MAGI2: variants seen among roughly 807,000 people sequenced by gnomAD.
MAGI2 encodes the protein membrane-associated guanylate kinase, WW and PDZ domain-containing protein 2.
A neutral mutation model predicts 133.3 loss-of-function variants in MAGI2; 35 were observed. The ratio of observed to expected loss-of-function variants is 0.26; its 90% CI spans 0.20 to 0.35. The LOEUF (loss-of-function observed/expected upper bound fraction) is 0.35, where lower values mean the gene tolerates loss of function less well. Among genes scored for constraint, MAGI2 ranks in the 10% least tolerant of loss-of-function variants. The pLI, the probability that MAGI2 is intolerant of heterozygous loss-of-function variation, is 1.00. For missense variants in MAGI2, 1,636 were observed against 1,863.4 expected, an observed-to-expected ratio of 0.88 and a Z score of 2.25; for synonymous variants, 729 against 710.6, an observed-to-expected ratio of 1.03 and a Z score of -0.41.
intron 3 of MAGI2, among the ~76,000 whole-genome samples, chr7:78,572,546 G>A (rs1032558028): frequency 2.0e-5 from 3 of 152,044 alleles, no homozygotes; most frequent in Non-Finnish European, 4.4e-5. Flanking sequence ...TAGACAAATT[G>A]TCCTACAAGG....
At chr7:79,222,816 G>A (rs1440455377) in intron 1 of MAGI2, among the ~76,000 whole-genome samples, 1 of 152,046 alleles carries the variant, frequency 6.6e-6, no homozygotes, top group Non-Finnish European at 1.5e-5. Context: ...TGAGAAAGGA[G>A]AGGGAATGCA....
intron 6 of MAGI2, among the ~76,000 whole-genome samples, chr7:78,432,803 TA>T (rs941127936): frequency 6.6e-6 from 1 of 151,812 alleles, no homozygotes; most frequent in Non-Finnish European, 1.5e-5. Context: ...TAGCTCATAT[TA>T]AAAAAAAGAA....
chr7:79,377,882 T>C (rs1843486628), intron 1 of MAGI2, among the ~76,000 whole-genome samples: 1 of 151,822 alleles, frequency 6.6e-6, no homozygotes, highest in Admixed American at 6.6e-5. Flanking sequence ...CACTTTTAGC[T>C]TTCCTCATCC....
At chr7:79,339,088 T>C (rs1585627495) in intron 1 of MAGI2, among the ~76,000 whole-genome samples, 1 of 152,158 alleles carries the variant, frequency 6.6e-6, no homozygotes, top group East Asian at 1.9e-4. Context: ...ATATTTATTT[T>C]ATGGTTATGT....
At chr7:78,233,904 G>T (rs1348556929) in intron 10 of MAGI2, among the ~76,000 whole-genome samples, 1 of 152,134 alleles carries the variant, frequency 6.6e-6, no homozygotes, top group African/African-American at 2.4e-5. Flanking sequence ...CTTAGCATGA[G>T]GGAGAGAAAA....
intron 2 of MAGI2, among the ~76,000 whole-genome samples, chr7:78,671,056 G>A (rs902065272): frequency 3.3e-5 from 5 of 152,062 alleles, no homozygotes; most frequent in African/African-American, 4.8e-5. Flanking sequence ...TGGCCATTGC[G>A]AGAAAACACC....
chr7:78,780,179 G>A (rs1487646236), intron 2 of MAGI2, among the ~76,000 whole-genome samples: 2 of 152,212 alleles, frequency 1.3e-5, no homozygotes, highest in Non-Finnish European at 2.9e-5. Flanking sequence ...CAAACACATT[G>A]ATTTGTATCC....
chr7:78,671,351 A>G (rs1303385493), intron 2 of MAGI2, among the ~76,000 whole-genome samples: 1 of 151,984 alleles, frequency 6.6e-6, no homozygotes, highest in African/African-American at 2.4e-5. Context: ...CACCTCAGAG[A>G]AACAAGGAAA....
intron 1 of MAGI2, among the ~76,000 whole-genome samples, chr7:79,145,997 C>A (rs144644097): frequency 2.4e-4 from 37 of 152,244 alleles, no homozygotes; most frequent in African/African-American, 8.4e-4. Context: ...TTACCATGCC[C>A]TCATTTTTGT....
chr7:78,938,734 A>T lies in MAGI2; in HGVS notation c.418+68356T>A, dbSNP rs569088744. On this transcript the variant is annotated intron_variant, in intron 2 of 21. Coordinates refer to ENST00000354212, the MANE Select transcript of MAGI2 (RefSeq NM_012301.4). ...TGTACAAGCTTTATTAGCAATTAAG[A>T]CATATAATTTAGGCTAATTCAACCA... Among the ~76,000 whole-genome samples, 117 of 152,288 alleles carry T rather than the reference A, an allele frequency of 7.7e-4. 2 individuals are homozygous for T. In the South Asian group the frequency reaches 0.016, roughly 21 times the overall value.
chr7:79,057,140 A>G (rs1001851631), intron 1 of MAGI2, among the ~76,000 whole-genome samples: 1 of 152,214 alleles, frequency 6.6e-6, no homozygotes, highest in Non-Finnish European at 1.5e-5. Flanking sequence ...TTGACATTAC[A>G]TTCAGTGTAA....
chr7:79,210,718 A>AT (rs1829431364), intron 1 of MAGI2, among the ~76,000 whole-genome samples: 1 of 151,898 alleles, frequency 6.6e-6, no homozygotes, highest in Admixed American at 6.6e-5. Flanking sequence ...ACCTTATTCT[A>AT]TTTTTTCTAC....
At chr7:78,327,675 C>T (rs1788722958) in intron 9 of MAGI2, among the ~76,000 whole-genome samples, 3 of 152,112 alleles carry the variant, frequency 2.0e-5, no homozygotes, top group African/African-American at 7.2e-5. Context: ...TGAAAAATAC[C>T]ACTCAATATC....
At chr7:78,764,770 T>C (rs1320665074) in intron 2 of MAGI2, among the ~76,000 whole-genome samples, 1 of 152,204 alleles carries the variant, frequency 6.6e-6, no homozygotes, top group Non-Finnish European at 1.5e-5. Flanking sequence ...GAAAATAGCT[T>C]CCTACAGGCA....
chr7:78,797,974 CA>C (rs1475055484), intron 2 of MAGI2, among the ~76,000 whole-genome samples: 2 of 152,048 alleles, frequency 1.3e-5, no homozygotes, highest in African/African-American at 4.8e-5. Context: ...TGCAAAGGAA[CA>C]GGGTCACACA....
intron 1 of MAGI2, among the ~76,000 whole-genome samples, chr7:79,158,839 A>C (rs549592693): frequency 6.6e-6 from 1 of 152,234 alleles, no homozygotes; most frequent in African/African-American, 2.4e-5. Context: ...GTCATAATTT[A>C]GAATCTAATT....
chr7:78,898,073 A>G (rs1797345182), intron 2 of MAGI2, among the ~76,000 whole-genome samples: 1 of 152,252 alleles, frequency 6.6e-6, no homozygotes, highest in African/African-American at 2.4e-5. Flanking sequence ...GCCAACAAGC[A>G]TATGAAAGAA....
chr7:78,259,548 A>G (rs1793316779), intron 9 of MAGI2, among the ~76,000 whole-genome samples: 1 of 152,190 alleles, frequency 6.6e-6, no homozygotes, highest in Non-Finnish European at 1.5e-5. Context: ...CCTTTGTTAT[A>G]TTCTTCTATA....
chr7:79,196,449 A>G (rs1001660925), intron 1 of MAGI2, among the ~76,000 whole-genome samples: 1 of 151,962 alleles, frequency 6.6e-6, no homozygotes, highest in African/African-American at 2.4e-5. Context: ...ATTCTACTCT[A>G]ATCTTGCTAT....
Sources: allele counts gnomAD v4.1 joint callset (sites outside exome capture counted in the v4.1 genomes callset), GRCh38; gene constraint gnomAD v4.1.1; transcripts MANE v1.5; gene names NCBI Gene and HGNC (gene_info 2026-07-23, HGNC 2026-07-21).